Variants in HPGD observed in about 807,000 individuals in gnomAD.
The protein encoded by HPGD is 15-hydroxyprostaglandin dehydrogenase, also known as 15-hydroxyprostaglandin dehydrogenase [NAD(+)].
In HPGD, 29 loss-of-function variants were observed where a neutral mutation model predicts 30.0. That is an observed-to-expected ratio of 0.97 (90% CI 0.72 to 1.32). HPGD has a LOEUF of 1.32. Among genes scored for constraint, HPGD ranks in the 40% most tolerant of loss-of-function variants. The pLI is 0.00. For synonymous variants in HPGD, 99 were observed against 112.4 expected, an observed-to-expected ratio of 0.88 and a Z score of 0.75; for missense variants, 340 against 322.1, an observed-to-expected ratio of 1.06 and a Z score of -0.43.
At chr4:174,493,986 G>A (rs893388846) in intron 5 of HPGD, among the ~76,000 whole-genome samples, 2 of 152,146 alleles carry the variant, frequency 1.3e-5, no homozygotes, top group Non-Finnish European at 2.9e-5. Context: ...TTGAGTCACC[G>A]ATGTGCATGT....
intron 4 of HPGD, chr4:174,507,925 A>G: frequency 1.8e-6 from 1 of 541,500 alleles, no homozygotes; most frequent in Non-Finnish European, 3.3e-6. Flanking sequence ...GCACACAGCT[A>G]GACTGCATTT....
rs1218675195 is a variant in HPGD at position 174,496,447 on chromosome 4, AAAC to A, written c.422-826_422-824del. On this transcript the variant is annotated intron_variant, in intron 4 of 6. Coordinates refer to ENST00000296522, the MANE Select transcript of HPGD (RefSeq NM_000860.6). This position sits in a 1 kb window ranked among gnomAD's most constrained non-coding sequence, Gnocchi z 4.6. ...TAGCTCAGCTCTCCGAAAAGACACA[AAAC>A]AACAACAATAAAAACCTATTTTACT... is the stretch of plus-strand genomic sequence containing the variant. Among the ~76,000 whole-genome samples, 1 of 152,188 alleles carries A rather than the reference AAAC, an allele frequency of 6.6e-6. No homozygotes were observed. The highest frequency in any genetic ancestry group is 2.4e-5 in the African/African-American group (1 of 41,436).
chr4:174,497,564 C>CTTTTTTTTTT (rs1560976871), intron 4 of HPGD, among the ~76,000 whole-genome samples: 1 of 14,226 alleles, frequency 7.0e-5, no homozygotes, highest in African/African-American at 1.7e-4. Context: ...CTTTCTTTTT[C>CTTTTTTTTTT]TTTCTTTTTT....
Position 174,491,937 on chromosome 4 carries a change from T to C in HPGD, c.*19A>G, listed in dbSNP as rs1734358590. The C allele has an allele frequency of 1.9e-6, 3 of 1,602,872 alleles. No individual in the cohort carries two copies. The highest frequency in any genetic ancestry group is 1.3e-5 in the African/African-American group (1 of 74,688). On this transcript the variant is annotated 3_prime_UTR_variant, in exon 7 of 7. Coordinates refer to ENST00000296522, the MANE Select transcript of HPGD (RefSeq NM_000860.6). ...AGCTATTTGTGCTTATTTTCAGCTATGGCTAACACATAAGCTGTTCATTGG... is the reference window on the plus strand; with the variant it reads ...AGCTATTTGTGCTTATTTTCAGCTACGGCTAACACATAAGCTGTTCATTGG...
chr4:174,491,782 T>C lies in HPGD; in HGVS notation c.*174A>G. ...TGGTCCACATCACATTTTTAATAGT[T>C]CATAACTTTTTATCCATATACTTAA... On this transcript the variant is annotated 3_prime_UTR_variant, in exon 7 of 7. Transcript: ENST00000296522. 1.7e-6 allele frequency: 1 copy of C among 605,452 alleles called. No individual in the cohort carries two copies. The highest frequency in any genetic ancestry group is 2.9e-6 in the Non-Finnish European group (1 of 340,326). The allele number at this position is 605,452 out of a possible 1,614,324, so 37.5% of individuals were successfully genotyped here.
At chr4:174,497,568 C>CTTTTCTTTTTTTTTTTTTTT (rs1553998366) in intron 4 of HPGD, among the ~76,000 whole-genome samples, 12 of 51,112 alleles carry the variant, frequency 2.3e-4, no homozygotes, top group Admixed American at 9.3e-4. Context: ...CTTTTTCTTT[C>CTTTTCTTTTTTTTTTTTTTT]TTTTTTTTTT....
chr4:174,495,552 G>A lies in HPGD; in HGVS notation c.494C>T (p.Ala165Val), dbSNP rs1247164390. The change falls in exon 5 of 7, where the codon GCA (alanine) becomes GTA (valine). Residue 165 changes from alanine to valine, a missense_variant. Physicochemically the swap from Ala to Val is moderately conservative, Grantham distance 64. Coordinates refer to ENST00000296522, the MANE Select transcript of HPGD (RefSeq NM_000860.6). Reference protein sequence around the residue: ...KHGIVGFTRSAALAANLMNSG... With the variant: ...KHGIVGFTRSVALAANLMNSG... ...TGACGGTTGTTGTAGCCTCACCGCT[G>A]CTGAGCGTGTGAATCCAACTATGCC... 2 of 1,608,592 alleles carry A rather than the reference G, an allele frequency of 1.2e-6. No individual in the cohort carries two copies. The highest frequency in any genetic ancestry group is 1.7e-6 in the Non-Finnish European group (2 of 1,175,134).
At chr4:174,509,024 C>A (rs1310820046) in intron 3 of HPGD, among the ~76,000 whole-genome samples, 1 of 152,162 alleles carries the variant, frequency 6.6e-6, no homozygotes, top group Non-Finnish European at 1.5e-5. Flanking sequence ...CACTTAGTTG[C>A]CCAATATGAG....
In HPGD at chr4:174,522,409, G is replaced by A. The variant is rs1298370164; in HGVS notation, c.43C>T (p.Gln15Ter). ...TCTGCAAAGGCTCTGCCTATGCCCT[G>A]AGCCGCGCCGGTCACCAGCGCCACT... ...GKVALVTGAAQGIGRAFAEAL... is the reference protein window; with the variant it reads ...GKVALVTGAA The change falls in exon 1 of 7, where the codon CAG (glutamine) becomes TAG (stop). Residue 15 changes from glutamine (Q) to a stop codon, truncating the protein, a stop_gained. Transcript: ENST00000296522. LOFTEE classifies it high-confidence loss of function. 1.3e-6 allele frequency: 2 copies of A among 1,583,762 alleles called. No individual in the cohort carries two copies. Among genetic ancestry groups the A allele is most frequent in the East Asian group, 2.3e-5 (1 of 43,470 alleles).
At chr4:174,514,775 T>G (rs1414059372) in intron 3 of HPGD, among the ~76,000 whole-genome samples, 2 of 152,144 alleles carry the variant, frequency 1.3e-5, no homozygotes, top group African/African-American at 4.8e-5. Context: ...CACCATAGTC[T>G]CTGCCCAAAG....
intron 3 of HPGD, among the ~76,000 whole-genome samples, chr4:174,514,052 A>G (rs1003489123): frequency 2.6e-5 from 4 of 152,120 alleles, no homozygotes; most frequent in Admixed American, 6.5e-5. Flanking sequence ...CACCCAAACC[A>G]AATAAGAACA....
At position 174,508,621 on chromosome 4, in the gene HPGD, T is replaced by C; in HGVS notation, c.421+75A>G. Reference sequence around the variant, plus strand: ...TTCCAACTTGAGCTGATAATAAATATGCTTTGAAGATTTGTTTTTGTGGTC... The same window carrying C: ...TTCCAACTTGAGCTGATAATAAATACGCTTTGAAGATTTGTTTTTGTGGTC... On this transcript the variant is annotated intron_variant, in intron 4 of 6. Transcript: ENST00000296522. 9.3e-6 allele frequency: 8 copies of C among 860,190 alleles called. No homozygotes were observed. In the South Asian group the frequency reaches 1.1e-4, roughly 11 times the overall value. The allele number at this position is 860,190 out of a possible 1,614,324, so 53.3% of individuals were successfully genotyped here. A position where few individuals can be genotyped will look rare whatever the true frequency, so the allele number is the denominator to read the frequency against.
upstream of HPGD, chr4:174,522,858 C>T (rs1736241178): frequency 6.0e-6 from 1 of 166,768 alleles, no homozygotes; most frequent in South Asian, 2.0e-4. Flanking sequence ...TGCACTCCCT[C>T]CCGGCCCCGA....
chr4:174,507,864 A>G lies in HPGD; in HGVS notation c.421+832T>C, dbSNP rs45516895. The G allele has an allele frequency of 1.1e-3, 511 of 458,148 alleles. 2 individuals carry two copies. Among genetic ancestry groups the G allele is most frequent in the African/African-American group, 8.6e-3 (452 of 52,268 alleles). The allele number at this position is 458,148 out of a possible 1,614,324, so 28.4% of individuals were successfully genotyped here. A position where few individuals can be genotyped will look rare whatever the true frequency, so the allele number is the denominator to read the frequency against. On this transcript the variant is annotated intron_variant, in intron 4 of 6. Coordinates refer to ENST00000296522, the MANE Select transcript of HPGD (RefSeq NM_000860.6). ...TGAAAATACTATAGTTTAGGATTGCATGCTGTGGAAAAGATGATTAGCTGC... is the reference window on the plus strand; with the variant it reads ...TGAAAATACTATAGTTTAGGATTGCGTGCTGTGGAAAAGATGATTAGCTGC...
At chr4:174,518,310 T>C (rs375377124) in intron 2 of HPGD, among the ~76,000 whole-genome samples, 1 of 152,186 alleles carries the variant, frequency 6.6e-6, no homozygotes, top group African/African-American at 2.4e-5. Flanking sequence ...ACAGACTAAC[T>C]GAATAAGAAT....
chr4:174,516,047 A>G (rs573105963), intron 3 of HPGD, among the ~76,000 whole-genome samples: 1 of 152,296 alleles, frequency 6.6e-6, no homozygotes, highest in South Asian at 2.1e-4. Context: ...GCTGGTAAGA[A>G]AGTAAACTAG....
Position 174,492,268 on chromosome 4 carries a change from A to AT in HPGD, c.663-175dup, listed in dbSNP as rs912732654. Among the ~76,000 whole-genome samples the AT allele has an allele frequency of 1.3e-5, 2 of 151,952 alleles. No individual in the cohort carries two copies. Among genetic ancestry groups the AT allele is most frequent in the African/African-American group, 4.8e-5 (2 of 41,418 alleles). On this transcript the variant is annotated intron_variant, in intron 6 of 6. Coordinates refer to ENST00000296522, the MANE Select transcript of HPGD (RefSeq NM_000860.6). This position sits in a 1 kb window ranked among gnomAD's most constrained non-coding sequence, Gnocchi z 4.9. ...ATTCCATATTAGATATCTAGATTAG[A>AT]TATCTTATTTATCTAATTTATTCAA...
intron 4 of HPGD, among the ~76,000 whole-genome samples, chr4:174,505,023 G>A (rs762662793): frequency 3.9e-5 from 6 of 152,256 alleles, no homozygotes; most frequent in Non-Finnish European, 7.4e-5. Flanking sequence ...ATAAAAACTC[G>A]TGTAGAAAAG....
intron 3 of HPGD, among the ~76,000 whole-genome samples, chr4:174,514,437 G>T (rs1185090853): frequency 6.6e-6 from 1 of 152,092 alleles, no homozygotes. Context: ...TGCAAGGAGG[G>T]TATCCATACT....
Sources: gnomAD v4.1 joint callset for allele counts (sites outside exome capture counted in the v4.1 genomes callset) on GRCh38, gnomAD v4.1.1 for gene constraint, Gnocchi (gnomAD v3.1) non-coding constraint, MANE v1.5 for transcripts, NCBI Gene and HGNC (gene_info 2026-07-23, HGNC 2026-07-21) for gene names.